Variants in PXDNL observed in about 807,000 individuals in gnomAD.
The protein encoded by PXDNL is probable oxidoreductase PXDNL.
Under a neutral mutation model 150.8 loss-of-function variants are expected in PXDNL, and 145 were observed. That is an observed-to-expected ratio of 0.96 (90% CI 0.84 to 1.10). The LOEUF is 1.10. PXDNL is among the 50% of genes least tolerant of loss of function. PXDNL has a pLI of 0.00. For synonymous variants in PXDNL, 757 were observed against 725.7 expected (o/e 1.04, Z -0.69); for missense variants, 2,087 against 1,873.9 (o/e 1.11, Z -2.10).
At chr8:51,406,886 T>C (rs1348318070) in intron 17 of PXDNL, among the ~76,000 whole-genome samples, 1 of 152,202 alleles carries the variant, frequency 6.6e-6, no homozygotes, top group Non-Finnish European at 1.5e-5. Flanking sequence ...TGCAATATCG[T>C]AATGTCCCTG....
At chr8:51,436,006 C>T (rs2129841215) in intron 12 of PXDNL, 1 of 528,186 alleles carries the variant, frequency 1.9e-6, no homozygotes, top group Non-Finnish European at 3.9e-6. Context: ...TTCAAATTCA[C>T]CTCATGGACC....
At chr8:51,408,033 A>T in intron 17 of PXDNL, 34 bp downstream of exon 17, 1 of 1,547,360 alleles carries the variant, frequency 6.5e-7, no homozygotes, top group Non-Finnish European at 8.7e-7. Flanking sequence ...TCTCCTAAGA[A>T]ATGTTTAAAT....
chr8:51,608,139 C>T (rs991566361), intron 2 of PXDNL, among the ~76,000 whole-genome samples: 2 of 148,002 alleles, frequency 1.4e-5, no homozygotes, highest in African/African-American at 5.2e-5. Flanking sequence ...CCTGTAATCC[C>T]AGCACTTTGG....
intron 5 of PXDNL, among the ~76,000 whole-genome samples, chr8:51,485,326 G>A (rs1187852560): frequency 1.3e-5 from 2 of 152,150 alleles, no homozygotes; most frequent in African/African-American, 4.8e-5. Context: ...CTCAGAAGCA[G>A]TAGCTAGAAA....
intron 1 of PXDNL, among the ~76,000 whole-genome samples, chr8:51,723,947 A>G (rs1192611638): frequency 2.6e-5 from 4 of 152,162 alleles, no homozygotes; most frequent in African/African-American, 9.7e-5. Flanking sequence ...GACGACTGTA[A>G]GGCAGGGGTG....
intron 1 of PXDNL, among the ~76,000 whole-genome samples, chr8:51,662,799 G>A (rs1271300745): frequency 4.6e-5 from 7 of 152,276 alleles, no homozygotes; most frequent in Middle Eastern, 6.8e-3. Context: ...ACTGTTGAGC[G>A]CTGTCAGGCA....
intron 4 of PXDNL, among the ~76,000 whole-genome samples, chr8:51,548,200 A>T (rs1364946043): frequency 6.6e-6 from 1 of 152,200 alleles, no homozygotes; most frequent in Non-Finnish European, 1.5e-5. Context: ...GATTATGTTA[A>T]ACAACCAAAC....
At position 51,408,604 on chromosome 8, in the gene PXDNL, G is replaced by A; in HGVS notation, c.3020C>T (p.Ala1007Val). ...GCTGTAGGTGATGTGCTGCAGCTCC[G>A]CGCCCACGATCTTCCTGGCTTCCTG... The part of the protein sequence containing the change: ...VYQEARKIVG[A>V]ELQHITYSHW... Residue 1007 changes from alanine to valine, a missense_variant, in exon 17 of 23, where the codon GCG becomes GTG. Coordinates refer to ENST00000356297, the MANE Select transcript of PXDNL (RefSeq NM_144651.5). The A allele has an allele frequency of 6.2e-6, 10 of 1,611,280 alleles. No homozygotes were observed. Among genetic ancestry groups the A allele is most frequent in the Non-Finnish European group, 8.5e-6 (10 of 1,178,876 alleles).
At chr8:51,517,865 G>A (rs932338845) in intron 4 of PXDNL, among the ~76,000 whole-genome samples, 11 of 152,158 alleles carry the variant, frequency 7.2e-5, no homozygotes, top group Non-Finnish European at 1.2e-4. Flanking sequence ...AACAGCTAAA[G>A]GCAAAGAGTT....
chr8:51,654,696 T>C lies in PXDNL; in HGVS notation c.229A>G (p.Asn77Asp). The change falls in exon 2 of 23, where the codon AAC becomes GAC. Residue 77 changes from asparagine to aspartate, a missense_variant. Coordinates refer to ENST00000356297, the MANE Select transcript of PXDNL (RefSeq NM_144651.5). Reference sequence around the variant, plus strand: ...TAAGCAATAAGTACTCACAGTGTGTTCAAATTCTTGAGTTTCTTGAAGGCG... The same window carrying C: ...TAAGCAATAAGTACTCACAGTGTGTCCAAATTCTTGAGTTTCTTGAAGGCG... ...GSAFKKLKNL[N>D]TLLLNNNHIR... 1.2e-6 allele frequency: 2 copies of C among 1,612,324 alleles called. No homozygotes were observed. The highest frequency in any genetic ancestry group is 1.7e-6 in the Non-Finnish European group (2 of 1,178,738).
At chr8:51,333,739 G>C (rs1366190957) in intron 21 of PXDNL, among the ~76,000 whole-genome samples, 1 of 152,162 alleles carries the variant, frequency 6.6e-6, no homozygotes, top group Non-Finnish European at 1.5e-5. Flanking sequence ...TTATATAACA[G>C]TAAAAGGCCT....
intron 2 of PXDNL, among the ~76,000 whole-genome samples, chr8:51,642,855 A>G (rs1814803705): frequency 6.6e-6 from 1 of 152,242 alleles, no homozygotes; most frequent in African/African-American, 2.4e-5. Flanking sequence ...CTCAGGATAC[A>G]AAATCAACGT....
chr8:51,571,079 T>C (rs1008930568), intron 3 of PXDNL, among the ~76,000 whole-genome samples: 4 of 151,048 alleles, frequency 2.6e-5, no homozygotes, highest in Admixed American at 1.3e-4. Context: ...TCACCCCTTA[T>C]ATCAGTTCTT....
At chr8:51,448,747 C>T (rs1809739139) in intron 11 of PXDNL, among the ~76,000 whole-genome samples, 1 of 147,618 alleles carries the variant, frequency 6.8e-6, no homozygotes, top group Non-Finnish European at 1.5e-5. Flanking sequence ...TGTACGCTTT[C>T]CAGTAATTTT....
At chr8:51,333,603 C>A (rs1031803832) in intron 21 of PXDNL, among the ~76,000 whole-genome samples, 1 of 152,060 alleles carries the variant, frequency 6.6e-6, no homozygotes, top group Non-Finnish European at 1.5e-5. Flanking sequence ...CTTCAGGAGA[C>A]TCACCTCACA....
At chr8:51,520,441 G>A (rs1021657819) in intron 4 of PXDNL, among the ~76,000 whole-genome samples, 1 of 152,078 alleles carries the variant, frequency 6.6e-6, no homozygotes, top group Admixed American at 6.5e-5. Flanking sequence ...CGCACCAGGA[G>A]GAGGGACGGA....
chr8:51,600,807 CTT>C (rs1261245761), intron 2 of PXDNL, among the ~76,000 whole-genome samples: 9 of 134,320 alleles, frequency 6.7e-5, no homozygotes, highest in African/African-American at 1.1e-4. Context: ...TAAATTATAT[CTT>C]ATATAAATTA....
rs1368629323 is a variant in PXDNL at position 51,620,267 on chromosome 8, A to G, written c.237-27569T>C. Among the ~76,000 whole-genome samples, 8 of 152,298 alleles carry G rather than the reference A, an allele frequency of 5.3e-5. No homozygotes were observed. The East Asian group carries it at 1.5e-3, about 29-fold the overall frequency. On this transcript the variant is annotated intron_variant, in intron 2 of 22. Transcript: ENST00000356297. ...CCATATCTTTTAGATATCCCAAAGT[A>G]ATTTTCTATATTTTGAAGGTTTCAC...
intron 19 of PXDNL, among the ~76,000 whole-genome samples, chr8:51,367,273 G>A (rs1806952235): frequency 6.6e-6 from 1 of 152,026 alleles, no homozygotes; most frequent in African/African-American, 2.4e-5. Context: ...AAAGGACAAA[G>A]ACTATGAACA....
Sources: gnomAD v4.1 joint callset for allele counts (sites outside exome capture counted in the v4.1 genomes callset) on GRCh38, gnomAD v4.1.1 for gene constraint, MANE v1.5 for transcripts, NCBI Gene and HGNC (gene_info 2026-07-23, HGNC 2026-07-21) for gene names.